The following GTPBP1 variants were observed in gnomAD, a reference collection of about 807,000 sequenced individuals.
GTPBP1 encodes GTP binding protein 1.
GTPBP1 carries 23 observed loss-of-function variants against 62.0 expected under a neutral mutation model. The ratio of observed to expected loss-of-function variants is 0.37; its 90% CI spans 0.27 to 0.53. GTPBP1 has a LOEUF of 0.53. Among genes scored for constraint, GTPBP1 ranks in the 20% least tolerant of loss-of-function variants. The probability of loss-of-function intolerance (pLI) is 0.89; values close to 1 mark genes in which losing one functional copy is unlikely to be tolerated. For synonymous variants in GTPBP1, 344 were observed against 364.4 expected (o/e 0.94, Z 0.64); for missense variants, 640 against 917.3 (o/e 0.70, Z 3.90).
At position 38,716,310 on chromosome 22, in the gene GTPBP1, G is replaced by C. The variant is rs1209451683; in HGVS notation, c.485+223G>C. 5 of 590,712 alleles carry C rather than the reference G, an allele frequency of 8.5e-6. No homozygotes were observed. The African/African-American group carries it at 9.3e-5, about 11-fold the overall frequency. 36.6% of individuals were successfully genotyped at this position (590,712 alleles called of 1,614,324 possible). ...CGTGCATTCTGTGGCCATTCTCTGTGGGTGTGTTTCTTTTCCCTTCAGCCT... is the reference window on the plus strand; with the variant it reads ...CGTGCATTCTGTGGCCATTCTCTGTCGGTGTGTTTCTTTTCCCTTCAGCCT... On this transcript the variant is annotated intron_variant, in intron 3 of 11. Transcript: ENST00000216044. The surrounding 1 kb of genome is among the most constrained non-coding windows in gnomAD (Gnocchi z 5.2).
downstream of GTPBP1, among the ~76,000 whole-genome samples, chr22:38,742,126 GA>G (rs1452428570): frequency 1.3e-5 from 2 of 151,320 alleles, no homozygotes; most frequent in Non-Finnish European, 2.9e-5. Flanking sequence ...CTGGGTGACA[GA>G]GTGAGATATT....
At chr22:38,729,778 A>G in intron 11 of GTPBP1, 116 bp downstream of exon 11, 1 of 681,382 alleles carries the variant, frequency 1.5e-6, no homozygotes, top group African/African-American at 1.9e-5. Context: ...TCTCCTCCAC[A>G]GCTCTGGCAC....
chr22:38,736,188 C>G, downstream of GTPBP1: 5 of 1,361,116 alleles, frequency 3.7e-6, no homozygotes, highest in Non-Finnish European at 5.2e-6. Context: ...GTCAGAGCGC[C>G]GAGCAAGCGT....
At chr22:38,737,989 C>T (rs970856623), downstream of GTPBP1, 1 of 716,132 alleles carries the variant, frequency 1.4e-6, no homozygotes, top group Non-Finnish European at 2.6e-6. This position sits in a 1 kb window ranked among gnomAD's most constrained non-coding sequence, Gnocchi z 4.1. Context: ...AGGTGCCTTC[C>T]CCTGTGCTGA....
chr22:38,735,550 A>G (rs1022153973), downstream of GTPBP1: 3 of 238,126 alleles, frequency 1.3e-5, no homozygotes, highest in East Asian at 1.3e-4. Context: ...AGGAGAGAGA[A>G]AAGCAACTAC....
intron 5 of GTPBP1, chr22:38,723,478 G>A: frequency 1.1e-6 from 1 of 879,130 alleles, no homozygotes; most frequent in South Asian, 1.5e-5. Context: ...CCGATGCTCA[G>A]AGTAGCCTTC....
chr22:38,741,558 G>A, downstream of GTPBP1: 1 of 1,614,068 alleles, frequency 6.2e-7, no homozygotes, highest in Non-Finnish European at 8.5e-7. Context: ...TGCTCTCAGG[G>A]CAGACAGTTC....
chr22:38,706,951 T>C (rs1314080947), intron 1 of GTPBP1: 1 of 152,190 alleles, frequency 6.6e-6, no homozygotes, highest in Admixed American at 6.5e-5. Context: ...GTGCTTAACG[T>C]TCCTTAGGGA....
intron 1 of GTPBP1, 27 bp downstream of exon 1, chr22:38,706,174 C>T: frequency 2.5e-6 from 3 of 1,220,444 alleles, no homozygotes; most frequent in Non-Finnish European, 2.0e-6. Context: ...GCGGCGGGCG[C>T]TGAGGGGAGC....
intron 4 of GTPBP1, among the ~76,000 whole-genome samples, chr22:38,718,113 C>T (rs1008838234): frequency 6.6e-6 from 1 of 152,186 alleles, no homozygotes; most frequent in African/African-American, 2.4e-5. Context: ...CTTTTGGGAC[C>T]TCAGCATGCC....
Position 38,727,184 on chromosome 22 carries a change from T to C in GTPBP1, c.1402-29T>C. On this transcript the variant is annotated intron_variant, in intron 8 of 11. Coordinates refer to ENST00000216044, the MANE Select transcript of GTPBP1 (RefSeq NM_004286.5). The surrounding 1 kb of genome is among the most constrained non-coding windows in gnomAD (Gnocchi z 6.5). ...TGAAACCAGAAGGCATAATTGTCCC[T>C]GAGGGCTGGGGCTCCCTCTTTCTTT... is the stretch of plus-strand genomic sequence containing the variant. 1 of 1,543,842 alleles carries C rather than the reference T, an allele frequency of 6.5e-7. No homozygotes were observed. Among genetic ancestry groups the C allele is most frequent in the Non-Finnish European group, 8.7e-7 (1 of 1,144,208 alleles).
At chr22:38,712,790 T>G (rs1419636270) in intron 2 of GTPBP1, among the ~76,000 whole-genome samples, 1 of 152,132 alleles carries the variant, frequency 6.6e-6, no homozygotes, top group African/African-American at 2.4e-5. Flanking sequence ...GAATAGAATT[T>G]AGCCAGCCTT....
At chr22:38,712,833 C>T (rs562341476) in intron 2 of GTPBP1, among the ~76,000 whole-genome samples, 1 of 152,320 alleles carries the variant, frequency 6.6e-6, no homozygotes, top group African/African-American at 2.4e-5. Context: ...CCTTCTCTAA[C>T]CCTGAAGGCT....
chr22:38,733,866 G>T (rs974495336), downstream of GTPBP1, among the ~76,000 whole-genome samples: 2 of 152,264 alleles, frequency 1.3e-5, no homozygotes, highest in Admixed American at 6.5e-5. Flanking sequence ...CAGATGGGCA[G>T]AGGGCATGTG....
At chr22:38,715,798 TG>T (rs2092666374) in intron 2 of GTPBP1, 108 bp from the exon 3 acceptor site, 3 of 819,236 alleles carry the variant, frequency 3.7e-6, no homozygotes, top group Admixed American at 4.7e-5. Context: ...TCTGCAGTGC[TG>T]GGGTCGGGGG....
At chr22:38,717,802 C>T (rs1441529290) in intron 4 of GTPBP1, among the ~76,000 whole-genome samples, 1 of 152,114 alleles carries the variant, frequency 6.6e-6, no homozygotes, top group Non-Finnish European at 1.5e-5. Flanking sequence ...AGGCCTGTAA[C>T]CTTGTGCACA....
At chr22:38,728,231 T>C (rs1302573917) in intron 10 of GTPBP1, 70 bp downstream of exon 10, 24 of 1,126,486 alleles carry the variant, frequency 2.1e-5, no homozygotes, top group Non-Finnish European at 3.0e-5. Flanking sequence ...TGACCCTGAG[T>C]GCAGGGCAGA....
At position 38,731,716 on chromosome 22, in the gene GTPBP1, A is replaced by T. The variant is rs2092761436; in HGVS notation, c.*1012A>T. 1 of 152,460 alleles carries T rather than the reference A, an allele frequency of 6.6e-6. No homozygotes were observed. The highest frequency in any genetic ancestry group is 1.9e-4 in the East Asian group (1 of 5,176). 9.4% of individuals were successfully genotyped at this position (152,460 alleles called of 1,614,324 possible). On this transcript the variant is annotated 3_prime_UTR_variant, in exon 12 of 12. Transcript: ENST00000216044. ...GGATGTTCCCCTGAGCCAGGCTGAG[A>T]CTAGAACCCCATCTTCCCTGAGCCA...
chr22:38,728,017 T>C lies in GTPBP1; in HGVS notation c.1572T>C (p.Ile524=). The change falls in exon 10 of 12, where the codon ATT becomes ATC. Residue 524 remains isoleucine (I), a synonymous_variant. Coordinates refer to ENST00000216044, the MANE Select transcript of GTPBP1 (RefSeq NM_004286.5). ...GGAGCATCAGGCAGACAGCCACCAT[T>C]CTGAGCATGGACAAGGACTGTCTGC... is the stretch of plus-strand genomic sequence containing the variant. The part of the protein sequence containing the change: ...HCGSIRQTAT[I]LSMDKDCLRT... 1.2e-6 allele frequency: 2 copies of C among 1,613,954 alleles called. 1 individual carries two copies. Among genetic ancestry groups the C allele is most frequent in the South Asian group, 2.2e-5 (2 of 91,076 alleles).
Sources: allele counts gnomAD v4.1 joint callset (sites outside exome capture counted in the v4.1 genomes callset), GRCh38; gene constraint gnomAD v4.1.1; non-coding constraint Gnocchi (gnomAD v3.1); transcripts MANE v1.5; gene names NCBI Gene and HGNC (gene_info 2026-07-23, HGNC 2026-07-21).